Variants in LINGO2 observed in about 807,000 individuals in gnomAD.
The protein encoded by LINGO2 is leucine rich repeat and Ig domain containing 2, also known as leucine-rich repeat and immunoglobulin-like domain-containing nogo receptor-interacting protein 2.
In LINGO2, 14 loss-of-function variants were observed where a neutral mutation model predicts 30.6. That is an observed-to-expected ratio of 0.46 (90% CI 0.30 to 0.72). The LOEUF (loss-of-function observed/expected upper bound fraction) is 0.72, where lower values mean the gene tolerates loss of function less well. Ranked by LOEUF, LINGO2 falls within the 30% of genes least tolerant of loss-of-function variation. The pLI, the probability that LINGO2 is intolerant of heterozygous loss-of-function variation, is 0.07. For synonymous variants in LINGO2, 317 were observed against 288.5 expected (o/e 1.10, Z -1.00); for missense variants, 729 against 751.7 (o/e 0.97, Z 0.35).
rs868097994 is a variant in LINGO2 at position 28,631,374 on chromosome 9, T to C, written c.-365+38826A>G. On this transcript the variant is annotated intron_variant, in intron 1 of 5. Transcript: ENST00000379992. Reference sequence around the variant, plus strand: ...CTTCCTGTGTCCATGTGTTCTATGGTTTTAGGTCTAACATTTAAGTCTTTA... The same window carrying C: ...CTTCCTGTGTCCATGTGTTCTATGGCTTTAGGTCTAACATTTAAGTCTTTA... Among the ~76,000 whole-genome samples the C allele has an allele frequency of 4.1e-5, 6 of 146,762 alleles. No individual in the cohort carries two copies. The South Asian group carries it at 1.3e-3, about 32-fold the overall frequency.
chr9:28,868,898 C>A, the LINGO2 span, among the ~76,000 whole-genome samples: 1 of 151,936 alleles, frequency 6.6e-6, no homozygotes, highest in South Asian at 2.1e-4. Context: ...ACAACATTTG[C>A]AATATTTAAG....
chr9:28,158,504 C>T (rs1204749447), intron 4 of LINGO2, among the ~76,000 whole-genome samples: 1 of 152,204 alleles, frequency 6.6e-6, no homozygotes, highest in East Asian at 1.9e-4. Flanking sequence ...TCCTCTCTCC[C>T]TAGCCTTTTC....
chr9:28,817,727 T>C, the LINGO2 span, among the ~76,000 whole-genome samples: 1 of 152,234 alleles, frequency 6.6e-6, no homozygotes, highest in South Asian at 2.1e-4. Flanking sequence ...GATGGAACAA[T>C]TGAAAAGGAG....
intron 3 of LINGO2, among the ~76,000 whole-genome samples, chr9:28,371,107 T>G (rs1820878180): frequency 6.6e-6 from 1 of 152,184 alleles, no homozygotes; most frequent in Non-Finnish European, 1.5e-5. Flanking sequence ...AATATTTAAA[T>G]GTTTCCTGGA....
At chr9:28,498,006 C>T (rs576089156) in intron 1 of LINGO2, among the ~76,000 whole-genome samples, 4 of 152,268 alleles carry the variant, frequency 2.6e-5, no homozygotes, top group East Asian at 1.9e-4. Flanking sequence ...GCTGCCTGAT[C>T]GTTCCTCTGG....
intron 4 of LINGO2, among the ~76,000 whole-genome samples, chr9:28,285,151 G>T (rs527431788): frequency 6.6e-6 from 1 of 152,232 alleles, no homozygotes; most frequent in East Asian, 1.9e-4. Context: ...TCAAAATATT[G>T]TGACATTTGG....
intron 1 of LINGO2, among the ~76,000 whole-genome samples, chr9:28,604,345 T>G (rs533241530): frequency 4.7e-4 from 71 of 152,168 alleles, no homozygotes; most frequent in Middle Eastern, 6.8e-3. Flanking sequence ...AAGACTTTGG[T>G]TTTTATGACT....
chr9:28,017,731 A>G (rs12341589), intron 4 of LINGO2, among the ~76,000 whole-genome samples: 4,160 of 152,294 alleles, frequency 0.027, 173 homozygotes, highest in African/African-American at 0.094. Context: ...ATTGGAAAAC[A>G]TTCCATGCTC....
chr9:28,668,370 A>G (rs1828882290), intron 1 of LINGO2, among the ~76,000 whole-genome samples: 1 of 152,102 alleles, frequency 6.6e-6, no homozygotes. Flanking sequence ...TTGACCTATC[A>G]TTTCACTCTC....
intron 2 of LINGO2, among the ~76,000 whole-genome samples, chr9:28,417,599 T>A (rs1413883897): frequency 6.6e-6 from 1 of 152,194 alleles, no homozygotes; most frequent in African/African-American, 2.4e-5. Context: ...GCTATTTCAC[T>A]TTACGTGATG....
intron 4 of LINGO2, chr9:28,149,216 C>A: frequency 9.2e-7 from 1 of 1,090,420 alleles, no homozygotes; most frequent in East Asian, 2.6e-5. Flanking sequence ...GTAGGGCAGG[C>A]GTGGTGGCCC....
the LINGO2 span, among the ~76,000 whole-genome samples, chr9:29,072,202 G>C: frequency 2.0e-5 from 3 of 151,960 alleles, no homozygotes; most frequent in Admixed American, 2.0e-4. Flanking sequence ...GTTAATAATT[G>C]CAAAGTTCCA....
chr9:28,407,864 A>C (rs986013921), intron 2 of LINGO2, among the ~76,000 whole-genome samples: 2 of 152,146 alleles, frequency 1.3e-5, no homozygotes, highest in African/African-American at 4.8e-5. Context: ...GATTCACCCC[A>C]ATGAAGTCTT....
chr9:28,597,375 T>C (rs1376139152), intron 1 of LINGO2, among the ~76,000 whole-genome samples: 1 of 152,124 alleles, frequency 6.6e-6, no homozygotes, highest in Non-Finnish European at 1.5e-5. Flanking sequence ...GAGCTATTAA[T>C]AGAGAGGAAC....
At chr9:28,530,621 A>C (rs1012110777) in intron 1 of LINGO2, among the ~76,000 whole-genome samples, 2 of 152,292 alleles carry the variant, frequency 1.3e-5, no homozygotes, top group African/African-American at 4.8e-5. Context: ...TTATGGAGAA[A>C]TGGGTTAAAG....
the LINGO2 span, among the ~76,000 whole-genome samples, chr9:28,836,138 G>A: frequency 1.3e-5 from 2 of 152,144 alleles, no homozygotes; most frequent in African/African-American, 4.8e-5. Context: ...CCAAACTGCG[G>A]AGTAAGAAAT....
At chr9:28,755,366 A>G in the LINGO2 span, among the ~76,000 whole-genome samples, 2 of 151,980 alleles carry the variant, frequency 1.3e-5, no homozygotes, top group African/African-American at 4.8e-5. Flanking sequence ...AAACTACTTA[A>G]CCTCTCTGGG....
chr9:28,327,402 T>C (rs1284331999), intron 3 of LINGO2, among the ~76,000 whole-genome samples: 1 of 152,194 alleles, frequency 6.6e-6, no homozygotes, highest in Non-Finnish European at 1.5e-5. Flanking sequence ...CCACTGGCAA[T>C]GCATTTCTTC....
chr9:28,109,496 T>C (rs1826705941), intron 4 of LINGO2, among the ~76,000 whole-genome samples: 1 of 152,004 alleles, frequency 6.6e-6, no homozygotes, highest in Non-Finnish European at 1.5e-5. Context: ...TTAGAAAACC[T>C]AATCCACTCA....
Sources: allele counts gnomAD v4.1 joint callset (sites outside exome capture counted in the v4.1 genomes callset), GRCh38; gene constraint gnomAD v4.1.1; transcripts MANE v1.5; gene names NCBI Gene and HGNC (gene_info 2026-07-23, HGNC 2026-07-21).